NPAS2: variants seen among roughly 807,000 people sequenced by gnomAD.
The protein encoded by NPAS2 is neuronal PAS domain-containing protein 2.
A neutral mutation model predicts 107.5 loss-of-function variants in NPAS2; 23 were observed. That is an observed-to-expected ratio of 0.21 (90% CI 0.15 to 0.30). The LOEUF (loss-of-function observed/expected upper bound fraction) is 0.30, where lower values mean the gene tolerates loss of function less well. Ranked by LOEUF, NPAS2 falls within the 10% of genes least tolerant of loss-of-function variation. The probability of loss-of-function intolerance (pLI) is 1.00; values close to 1 mark genes in which losing one functional copy is unlikely to be tolerated. For synonymous variants in NPAS2, 403 were observed against 417.5 expected (o/e 0.97, Z 0.42); for missense variants, 756 against 1,043.3 (o/e 0.72, Z 3.79).
chr2:100,868,954 A>T (rs1679402235), intron 1 of NPAS2, among the ~76,000 whole-genome samples: 1 of 151,706 alleles, frequency 6.6e-6, no homozygotes, highest in African/African-American at 2.4e-5. Flanking sequence ...TTTTTTTGAG[A>T]TGGAATCTCA....
intron 19 of NPAS2, among the ~76,000 whole-genome samples, chr2:100,991,569 G>T (rs887870959): frequency 1.3e-5 from 2 of 152,162 alleles, no homozygotes; most frequent in African/African-American, 2.4e-5. Context: ...TAGAAGCCTC[G>T]CAGGCACCCC....
At chr2:100,995,336 T>C in intron 20 of NPAS2, 64 bp from the exon 21 acceptor site, 10 of 1,472,722 alleles carry the variant, frequency 6.8e-6, no homozygotes, top group Non-Finnish European at 9.3e-6. Context: ...CGCACTGCCT[T>C]GTAAGACAGT....
chr2:100,825,144 C>G (rs1296356008), intron 1 of NPAS2, among the ~76,000 whole-genome samples: 1 of 152,216 alleles, frequency 6.6e-6, no homozygotes, highest in East Asian at 1.9e-4. Flanking sequence ...ACAGGCCCAT[C>G]TAAAGACAGA....
chr2:100,924,932 T>A (rs1430748825), intron 2 of NPAS2, among the ~76,000 whole-genome samples: 5 of 152,216 alleles, frequency 3.3e-5, no homozygotes, highest in Admixed American at 3.3e-4. Flanking sequence ...AACTTACTGG[T>A]TATTAATGCT....
At chr2:100,879,511 C>T (rs760773430) in intron 1 of NPAS2, among the ~76,000 whole-genome samples, 4 of 152,108 alleles carry the variant, frequency 2.6e-5, no homozygotes, top group East Asian at 1.9e-4. Context: ...TCCTTCCATC[C>T]GTCCCAAACC....
intron 1 of NPAS2, among the ~76,000 whole-genome samples, chr2:100,844,469 C>A (rs1573447292): frequency 6.6e-6 from 1 of 152,022 alleles, no homozygotes; most frequent in African/African-American, 2.4e-5. Flanking sequence ...CCAGTGGTAC[C>A]GAGGAGGAGG....
At chr2:100,850,378 T>A (rs1678090146) in intron 1 of NPAS2, among the ~76,000 whole-genome samples, 1 of 152,166 alleles carries the variant, frequency 6.6e-6, no homozygotes, top group African/African-American at 2.4e-5. Context: ...TGGGATCCTT[T>A]CTCTTCTCTG....
intron 7 of NPAS2, among the ~76,000 whole-genome samples, chr2:100,958,428 G>A (rs555063276): frequency 5.3e-5 from 8 of 152,280 alleles, no homozygotes; most frequent in African/African-American, 9.6e-5. Flanking sequence ...GAGTGTGGAC[G>A]GCTTCGTGGA....
At chr2:100,900,642 A>T (rs139446963) in intron 1 of NPAS2, among the ~76,000 whole-genome samples, 137 of 152,304 alleles carry the variant, frequency 9.0e-4, no homozygotes, top group Non-Finnish European at 1.5e-3. Flanking sequence ...GTTAATGTTG[A>T]CCAGTAGGTG....
At chr2:100,995,177 ATTG>A in intron 20 of NPAS2, 1 of 468,942 alleles carries the variant, frequency 2.1e-6, no homozygotes, top group Non-Finnish European at 3.7e-6. Context: ...TGCCCCCACT[ATTG>A]GCGGAGAACT....
chr2:100,902,878 G>A (rs1008236658), intron 1 of NPAS2, among the ~76,000 whole-genome samples: 11 of 152,318 alleles, frequency 7.2e-5, no homozygotes, highest in South Asian at 2.1e-4. Context: ...TGGCTTAGTC[G>A]GGTCAAGTGA....
At chr2:100,885,187 T>C (rs1388912094) in intron 1 of NPAS2, among the ~76,000 whole-genome samples, 1 of 152,122 alleles carries the variant, frequency 6.6e-6, no homozygotes. Context: ...CCTGACCTCA[T>C]GATCCGCCTG....
intron 7 of NPAS2, among the ~76,000 whole-genome samples, chr2:100,955,015 T>C (rs566279016): frequency 1.3e-5 from 2 of 152,220 alleles, no homozygotes; most frequent in East Asian, 3.9e-4. Flanking sequence ...GTAGCTGGTA[T>C]CACAGGCATG....
chr2:100,903,479 G>A (rs1013455282), intron 1 of NPAS2, among the ~76,000 whole-genome samples: 1 of 152,258 alleles, frequency 6.6e-6, no homozygotes, highest in Non-Finnish European at 1.5e-5. Context: ...TCAGACCCAT[G>A]TTTGTGTACG....
intron 15 of NPAS2, 29 bp from the exon 16 acceptor site, chr2:100,982,202 T>C: frequency 6.2e-7 from 1 of 1,613,760 alleles, no homozygotes; most frequent in Non-Finnish European, 8.5e-7. Context: ...CTCTTTCATC[T>C]GATTATGTTT....
chr2:100,964,617 C>T (rs1023652534), intron 8 of NPAS2, among the ~76,000 whole-genome samples: 4 of 152,130 alleles, frequency 2.6e-5, no homozygotes, highest in Non-Finnish European at 5.9e-5. Flanking sequence ...TGCCACTTCT[C>T]GATAATGGGA....
In NPAS2 at chr2:100,914,180, T is replaced by C. The variant is rs74629370; in HGVS notation, c.32+9394T>C. Among the ~76,000 whole-genome samples, 990 of 152,292 alleles carry C rather than the reference T, an allele frequency of 6.5e-3. 57 individuals carry two copies. In the East Asian group the frequency reaches 0.15, roughly 23 times the overall value. ...AGGGGTATGGGTGTGGGTGTGTGTG[T>C]GACACTTTGCCTTGGAACCATGGCC... On this transcript the variant is annotated intron_variant, in intron 2 of 20. Transcript: ENST00000335681.
intron 1 of NPAS2, among the ~76,000 whole-genome samples, chr2:100,892,421 G>C (rs1278793849): frequency 6.6e-6 from 1 of 152,054 alleles, no homozygotes; most frequent in East Asian, 1.9e-4. Context: ...GCTTCAGCTT[G>C]GTTTTTTAGA....
rs562502366 is a variant in NPAS2 at position 100,952,010 on chromosome 2, G to A, written c.598+2530G>A. Among the ~76,000 whole-genome samples the A allele has an allele frequency of 4.6e-5, 7 of 151,940 alleles. No homozygotes were observed. In the South Asian group the frequency reaches 6.3e-4, roughly 14 times the overall value. On this transcript the variant is annotated intron_variant, in intron 7 of 20. Transcript: ENST00000335681. ...TAAAAATACAAAAAATTAGCTGGGCGTGGTGGTGGCGGGCGCCTGTAGTCC... is the reference window on the plus strand; with the variant it reads ...TAAAAATACAAAAAATTAGCTGGGCATGGTGGTGGCGGGCGCCTGTAGTCC...
Sources: allele counts gnomAD v4.1 joint callset (sites outside exome capture counted in the v4.1 genomes callset), GRCh38; gene constraint gnomAD v4.1.1; transcripts MANE v1.5; gene names NCBI Gene and HGNC (gene_info 2026-07-23, HGNC 2026-07-21).